EXOC4: variants seen among roughly 807,000 people sequenced by gnomAD.
EXOC4 encodes SEC8-like 1.
A neutral mutation model predicts 107.2 loss-of-function variants in EXOC4; 71 were observed. That is an observed-to-expected ratio of 0.66 (90% CI 0.55 to 0.81). The LOEUF (loss-of-function observed/expected upper bound fraction) is 0.81. EXOC4 is among the 30% of genes least tolerant of loss of function. The probability of loss-of-function intolerance (pLI) is 0.00; values close to 1 mark genes in which losing one functional copy is unlikely to be tolerated. For synonymous variants in EXOC4, 456 were observed against 441.2 expected (o/e 1.03, Z -0.42); for missense variants, 1,108 against 1,189.6 (o/e 0.93, Z 1.01).
intron 10 of EXOC4, among the ~76,000 whole-genome samples, chr7:133,787,974 T>C (rs1796620717): frequency 2.1e-5 from 1 of 47,584 alleles, no homozygotes; most frequent in Non-Finnish European, 4.1e-5. Context: ...TATATATATA[T>C]ATATATATAT....
chr7:134,064,394 C>T lies in EXOC4; in HGVS notation c.2791C>T (p.Leu931=), dbSNP rs767202902. The part of the protein sequence containing the change: ...TELEYIHALT[L]LHRSQTGVGE... ...GCTGGAGTACATCCACGCTCTGACC[C>T]TGCTGCACCGCAGCCAGACTGGGGT... Residue 931 remains leucine, a synonymous_variant, in exon 18 of 18, where the codon CTG becomes TTG. Transcript: ENST00000253861. The T allele has an allele frequency of 2.5e-6, 4 of 1,606,170 alleles. No individual in the cohort carries two copies. The highest frequency in any genetic ancestry group is 3.4e-6 in the Non-Finnish European group (4 of 1,175,762).
intron 11 of EXOC4, among the ~76,000 whole-genome samples, chr7:133,836,610 G>A (rs139442024): frequency 4.6e-5 from 7 of 152,118 alleles, no homozygotes; most frequent in African/African-American, 1.2e-4. Flanking sequence ...GGCAGAACAC[G>A]TTTCACTCCA....
intron 9 of EXOC4, among the ~76,000 whole-genome samples, chr7:133,524,849 C>T (rs1348416049): frequency 6.6e-6 from 1 of 152,128 alleles, no homozygotes; most frequent in Non-Finnish European, 1.5e-5. Flanking sequence ...CTATATCTTT[C>T]AACAGTGAGC....
chr7:133,406,813 A>G (rs937078740), intron 7 of EXOC4, among the ~76,000 whole-genome samples: 2 of 152,230 alleles, frequency 1.3e-5, no homozygotes, highest in Admixed American at 6.5e-5. Context: ...ATTAAATGCA[A>G]TGTGATGTAT....
At chr7:133,372,848 T>A (rs1796407837) in intron 6 of EXOC4, among the ~76,000 whole-genome samples, 1 of 152,244 alleles carries the variant, frequency 6.6e-6, no homozygotes, top group Non-Finnish European at 1.5e-5. Flanking sequence ...ACATTAAGTT[T>A]TAATTTTCTC....
At chr7:133,804,724 G>T (rs1225370275) in intron 10 of EXOC4, among the ~76,000 whole-genome samples, 1 of 152,160 alleles carries the variant, frequency 6.6e-6, no homozygotes, top group Non-Finnish European at 1.5e-5. Context: ...GCTTAGGCCA[G>T]CTTCACTAAA....
intron 14 of EXOC4, among the ~76,000 whole-genome samples, chr7:133,976,675 A>G (rs1585294001): frequency 1.3e-5 from 2 of 152,218 alleles, no homozygotes; most frequent in African/African-American, 4.8e-5. Context: ...AGGCCTTACC[A>G]TGGAAGAAAC....
At chr7:134,053,738 C>T (rs1035419139) in intron 17 of EXOC4, among the ~76,000 whole-genome samples, 3 of 151,796 alleles carry the variant, frequency 2.0e-5, no homozygotes, top group African/African-American at 7.2e-5. Context: ...GATAAGCAGA[C>T]ATTTGAGCAA....
chr7:133,725,729 A>C (rs1795201276), intron 10 of EXOC4, among the ~76,000 whole-genome samples: 1 of 152,212 alleles, frequency 6.6e-6, no homozygotes, highest in Admixed American at 6.5e-5. Context: ...TACTATTGAC[A>C]GTATGTAAAT....
At chr7:133,899,718 G>C (rs1799406808) in intron 12 of EXOC4, among the ~76,000 whole-genome samples, 1 of 148,812 alleles carries the variant, frequency 6.7e-6, no homozygotes, top group South Asian at 2.1e-4. Context: ...GAGTGCCCCA[G>C]AGTATACCCA....
At chr7:133,644,036 C>T (rs1220396668) in intron 10 of EXOC4, among the ~76,000 whole-genome samples, 1 of 152,166 alleles carries the variant, frequency 6.6e-6, no homozygotes, top group East Asian at 1.9e-4. Flanking sequence ...ACCCGGCCTC[C>T]CGTTCATTCA....
At chr7:134,027,186 A>G (rs1198001466) in intron 17 of EXOC4, among the ~76,000 whole-genome samples, 1 of 152,198 alleles carries the variant, frequency 6.6e-6, no homozygotes, top group Non-Finnish European at 1.5e-5. Flanking sequence ...AATAACAGTA[A>G]TCTGTATTTA....
chr7:134,003,548 A>G (rs1794577079), intron 15 of EXOC4, among the ~76,000 whole-genome samples: 1 of 152,108 alleles, frequency 6.6e-6, no homozygotes, highest in African/African-American at 2.4e-5. Context: ...TTCATTTGGG[A>G]ATATTTCTTA....
chr7:133,949,336 A>G (rs1349383588), intron 14 of EXOC4, among the ~76,000 whole-genome samples: 4 of 152,168 alleles, frequency 2.6e-5, no homozygotes, highest in African/African-American at 9.7e-5. Context: ...CTGTGTACTA[A>G]CATCTTTGAG....
chr7:133,943,811 A>G (rs1241526348), intron 14 of EXOC4, among the ~76,000 whole-genome samples: 4 of 152,148 alleles, frequency 2.6e-5, no homozygotes, highest in Non-Finnish European at 4.4e-5. Context: ...TAAAATAACC[A>G]TGGTTTCCCT....
intron 9 of EXOC4, among the ~76,000 whole-genome samples, chr7:133,626,322 G>A (rs906494465): frequency 5.9e-5 from 9 of 152,172 alleles, no homozygotes; most frequent in African/African-American, 1.9e-4. Flanking sequence ...GTAGATTTCC[G>A]GGGGTCAGGA....
At chr7:134,005,605 A>G (rs975710426) in intron 16 of EXOC4, among the ~76,000 whole-genome samples, 2 of 152,306 alleles carry the variant, frequency 1.3e-5, no homozygotes, top group East Asian at 3.9e-4. Context: ...TGTGAGAGAC[A>G]GGAAGTGCCA....
chr7:133,750,586 C>CTT (rs60903415), intron 10 of EXOC4, among the ~76,000 whole-genome samples: 116 of 144,858 alleles, frequency 8.0e-4, no homozygotes, highest in Admixed American at 2.0e-3. Context: ...TGTTTTTAAC[C>CTT]TTTTTTTTTT....
intron 7 of EXOC4, among the ~76,000 whole-genome samples, chr7:133,466,284 A>G (rs1798725977): frequency 1.3e-5 from 2 of 152,038 alleles, no homozygotes. Context: ...AAGATCAAAA[A>G]TTGATATATC....
Sources: gnomAD v4.1 joint callset for allele counts (sites outside exome capture counted in the v4.1 genomes callset) on GRCh38, gnomAD v4.1.1 for gene constraint, MANE v1.5 for transcripts, NCBI Gene and HGNC (gene_info 2026-07-23, HGNC 2026-07-21) for gene names.